Variants in TBC1D9 observed in about 807,000 individuals in gnomAD.
TBC1D9 encodes the protein TBC1 domain family member 9, also known as TBC1 domain family member 9A.
In TBC1D9, 63 loss-of-function variants were observed where a neutral mutation model predicts 132.0. That is an observed-to-expected ratio of 0.48 (90% CI 0.39 to 0.59). The LOEUF is 0.59. TBC1D9 is among the 20% of genes least tolerant of loss of function. The pLI, the probability that TBC1D9 is intolerant of heterozygous loss-of-function variation, is 0.00. For missense variants in TBC1D9, 1,261 were observed against 1,592.7 expected, an observed-to-expected ratio of 0.79 and a Z score of 3.54; for synonymous variants, 610 against 609.9, an observed-to-expected ratio of 1.00 and a Z score of 0.00.
intron 1 of TBC1D9, among the ~76,000 whole-genome samples, chr4:140,737,077 C>T (rs1021782180): frequency 4.6e-5 from 7 of 152,152 alleles, no homozygotes; most frequent in Non-Finnish European, 8.8e-5. Flanking sequence ...ATTAGATTCT[C>T]GTAAGGAGCC....
intron 13 of TBC1D9, among the ~76,000 whole-genome samples, chr4:140,652,822 G>T (rs960048636): frequency 6.6e-6 from 1 of 152,148 alleles, no homozygotes; most frequent in African/African-American, 2.4e-5. Context: ...TTTCATAAAT[G>T]CCTATCCATC....
intron 15 of TBC1D9, among the ~76,000 whole-genome samples, chr4:140,635,346 G>A (rs545911354): frequency 7.9e-5 from 12 of 152,212 alleles, no homozygotes; most frequent in African/African-American, 2.4e-4. Flanking sequence ...GCTGGGCATG[G>A]TGGCACATGC....
rs1156509058 is a variant in TBC1D9 at position 140,621,418 on chromosome 4, TTGC to T, written c.*774_*776del. The T allele has an allele frequency of 6.6e-5, 10 of 152,366 alleles. No individual in the cohort carries two copies. The highest frequency in any genetic ancestry group is 2.2e-4 in the African/African-American group (9 of 41,588). 9.4% of individuals were successfully genotyped at this position (152,366 alleles called of 1,614,324 possible). On this transcript the variant is annotated 3_prime_UTR_variant, in exon 21 of 21. Transcript: ENST00000442267. ...AAAACCTGTCATGAGCCCTCTGTCT[TTGC>T]TGCTACTTTCAGATTCTCTGTGACA...
chr4:140,630,972 G>T (rs1326549015), intron 16 of TBC1D9, among the ~76,000 whole-genome samples: 2 of 152,108 alleles, frequency 1.3e-5, no homozygotes, highest in Non-Finnish European at 2.9e-5. Flanking sequence ...CCAAATACTG[G>T]GTCCAAGGGT....
intron 1 of TBC1D9, among the ~76,000 whole-genome samples, chr4:140,731,805 C>T (rs560118345): frequency 1.1e-4 from 16 of 152,036 alleles, no homozygotes; most frequent in Non-Finnish European, 2.2e-4. Context: ...GAAAAAAACA[C>T]GCTGGTGGAA....
intron 1 of TBC1D9, among the ~76,000 whole-genome samples, chr4:140,718,938 TGTATTTTTAG>T (rs1412675205): frequency 6.6e-6 from 1 of 152,042 alleles, no homozygotes; most frequent in Non-Finnish European, 1.5e-5. Context: ...AAAAAAAATT[TGTATTTTTAG>T]TCTCTACTAA....
At chr4:140,653,513 A>G (rs904134637) in intron 13 of TBC1D9, among the ~76,000 whole-genome samples, 1 of 152,128 alleles carries the variant, frequency 6.6e-6, no homozygotes, top group East Asian at 1.9e-4. Context: ...CTACATTCAG[A>G]TTTAATTGGT....
chr4:140,730,224 T>C (rs1441969677), intron 1 of TBC1D9, among the ~76,000 whole-genome samples: 1 of 152,218 alleles, frequency 6.6e-6, no homozygotes, highest in East Asian at 1.9e-4. Flanking sequence ...GAGTAGCTCT[T>C]CCTCATCAGG....
chr4:140,698,610 T>G (rs1231508590), intron 2 of TBC1D9, among the ~76,000 whole-genome samples: 1 of 151,964 alleles, frequency 6.6e-6, no homozygotes, highest in East Asian at 1.9e-4. Flanking sequence ...TGGCAGGGCG[T>G]GCCTGTAATC....
intron 1 of TBC1D9, among the ~76,000 whole-genome samples, chr4:140,751,501 G>A (rs1738923308): frequency 6.6e-6 from 1 of 152,128 alleles, no homozygotes. Flanking sequence ...ATATAAGAAT[G>A]TCTTTATAAC....
chr4:140,631,803 G>T (rs929092312), intron 16 of TBC1D9, among the ~76,000 whole-genome samples: 4 of 152,032 alleles, frequency 2.6e-5, no homozygotes, highest in Non-Finnish European at 4.4e-5. Flanking sequence ...TACCACGTTG[G>T]CCAGGATGGT....
intron 2 of TBC1D9, among the ~76,000 whole-genome samples, chr4:140,701,233 T>C (rs537668367): frequency 2.0e-5 from 3 of 152,302 alleles, no homozygotes; most frequent in Non-Finnish European, 4.4e-5. Flanking sequence ...TTCCCTTGTA[T>C]GCTGACCTTG....
intron 1 of TBC1D9, among the ~76,000 whole-genome samples, chr4:140,712,981 A>G (rs1424513718): frequency 6.6e-6 from 1 of 151,760 alleles, no homozygotes; most frequent in Non-Finnish European, 1.5e-5. Flanking sequence ...ACTCAAAATT[A>G]CAGTTTTCCA....
At chr4:140,751,424 G>A (rs566644768) in intron 1 of TBC1D9, among the ~76,000 whole-genome samples, 3 of 152,062 alleles carry the variant, frequency 2.0e-5, no homozygotes, top group Non-Finnish European at 4.4e-5. Context: ...CACACAATAT[G>A]CAAAAATTAA....
chr4:140,631,570 C>T (rs1178359643), intron 16 of TBC1D9, among the ~76,000 whole-genome samples: 1 of 149,112 alleles, frequency 6.7e-6, no homozygotes, highest in African/African-American at 2.5e-5. Context: ...ATTACTGATA[C>T]ATGTTTTTCA....
chr4:140,646,290 T>C (rs983178623), intron 13 of TBC1D9, among the ~76,000 whole-genome samples: 5 of 152,182 alleles, frequency 3.3e-5, no homozygotes, highest in African/African-American at 1.2e-4. Context: ...GTCGTCTGAT[T>C]TGAGAACTCG....
chr4:140,687,807 T>TG (rs984349648), intron 2 of TBC1D9, among the ~76,000 whole-genome samples: 1 of 152,168 alleles, frequency 6.6e-6, no homozygotes, highest in Non-Finnish European at 1.5e-5. Context: ...AGGTATCAGC[T>TG]GAGTGCAGTG....
chr4:140,709,518 A>C (rs1435507334), intron 1 of TBC1D9, among the ~76,000 whole-genome samples: 1 of 151,618 alleles, frequency 6.6e-6, no homozygotes, highest in Non-Finnish European at 1.5e-5. Flanking sequence ...AAAAAAAGAC[A>C]TAAAAAATAC....
chr4:140,643,800 C>T, intron 13 of TBC1D9: 3 of 813,454 alleles, frequency 3.7e-6, no homozygotes, highest in Non-Finnish European at 4.0e-6. Flanking sequence ...GCAGCCCTGC[C>T]CGGTGGCACT....
Sources: allele counts gnomAD v4.1 joint callset (sites outside exome capture counted in the v4.1 genomes callset), GRCh38; gene constraint gnomAD v4.1.1; transcripts MANE v1.5; gene names NCBI Gene and HGNC (gene_info 2026-07-23, HGNC 2026-07-21).